QKI: variants seen among roughly 807,000 people sequenced by gnomAD.
The protein encoded by QKI is KH domain-containing RNA-binding protein QKI.
QKI carries 10 observed loss-of-function variants against 39.0 expected under a neutral mutation model. That is an observed-to-expected ratio of 0.26 (90% CI 0.16 to 0.43). QKI has a LOEUF of 0.43. Among genes scored for constraint, QKI ranks in the 20% least tolerant of loss-of-function variants. QKI has a pLI of 1.00. For synonymous variants in QKI, 204 were observed against 155.4 expected (o/e 1.31, Z -2.33); for missense variants, 218 against 428.0 (o/e 0.51, Z 4.33).
intron 4 of QKI, among the ~76,000 whole-genome samples, chr6:163,561,491 G>T (rs560395112): frequency 6.6e-6 from 1 of 152,030 alleles, no homozygotes. Context: ...GCCTCTAGTC[G>T]CAGCTACTTC....
intron 2 of QKI, among the ~76,000 whole-genome samples, chr6:163,467,268 A>T (rs1791835039): frequency 1.3e-5 from 2 of 152,316 alleles, no homozygotes; most frequent in South Asian, 4.1e-4. Flanking sequence ...ACCTTGTATT[A>T]AATCATCACA....
chr6:163,525,605 C>T (rs943265640), intron 3 of QKI, among the ~76,000 whole-genome samples: 1 of 152,100 alleles, frequency 6.6e-6, no homozygotes, highest in African/African-American at 2.4e-5. Flanking sequence ...GATCCTCCCC[C>T]CTCCCCGCCT....
At chr6:163,421,750 C>CT (rs766565039) in intron 1 of QKI, among the ~76,000 whole-genome samples, 1,552 of 143,796 alleles carry the variant, frequency 0.011, 10 homozygotes, top group Non-Finnish European at 0.015. Context: ...TTTCTTTTTT[C>CT]TTTTTTTTTT....
chr6:163,531,706 T>A (rs1305879445), intron 3 of QKI, among the ~76,000 whole-genome samples: 1 of 152,244 alleles, frequency 6.6e-6, no homozygotes, highest in East Asian at 1.9e-4. Context: ...AGGGTCTGAC[T>A]GTTCCCCAGG....
In QKI at chr6:163,451,356, A is replaced by G. The variant is rs189972938; in HGVS notation, c.143-3923A>G. ...ATCATTATGGAATGTTGTGTACAGT[A>G]TAGGGTTTTGCATATTAAAAGGGAC... is the stretch of plus-strand genomic sequence containing the variant. On this transcript the variant is annotated intron_variant, in intron 1 of 7. Coordinates refer to ENST00000361752, the MANE Select transcript of QKI (RefSeq NM_006775.3). 3.5e-3 allele frequency among the ~76,000 whole-genome samples: 528 copies of G among 152,298 alleles called. 4 individuals carry two copies. Among genetic ancestry groups the G allele is most frequent in the African/African-American group, 0.012 (482 of 41,568 alleles).
intron 1 of QKI, among the ~76,000 whole-genome samples, chr6:163,418,851 G>A (rs965056693): frequency 2.0e-5 from 3 of 152,056 alleles, no homozygotes; most frequent in Non-Finnish European, 4.4e-5. Flanking sequence ...TGAAGAGTAC[G>A]GTCTATTAGA....
intron 4 of QKI, among the ~76,000 whole-genome samples, chr6:163,535,783 T>G (rs957698133): frequency 6.6e-6 from 1 of 151,740 alleles, no homozygotes; most frequent in Non-Finnish European, 1.5e-5. Flanking sequence ...ATACAAAAAA[T>G]AAGTCGGGCG....
chr6:163,422,649 T>G (rs762564336), intron 1 of QKI, among the ~76,000 whole-genome samples: 4 of 152,114 alleles, frequency 2.6e-5, no homozygotes, highest in Non-Finnish European at 4.4e-5. Context: ...ATGGTCACAA[T>G]GTAAGTAAAG....
At chr6:163,415,851 T>G (rs892285524) in intron 1 of QKI, 4 of 489,126 alleles carry the variant, frequency 8.2e-6, no homozygotes, top group African/African-American at 5.9e-5. Flanking sequence ...TAAAGCGGGG[T>G]TTCGTGGTTG....
At chr6:163,557,509 G>A (rs528851391) in intron 4 of QKI, among the ~76,000 whole-genome samples, 40 of 152,294 alleles carry the variant, frequency 2.6e-4, no homozygotes, top group African/African-American at 8.2e-4. Context: ...GAGATAGAGT[G>A]TGGAGCGATG....
intron 3 of QKI, among the ~76,000 whole-genome samples, chr6:163,499,763 T>C (rs531179563): frequency 4.7e-4 from 72 of 152,162 alleles, no homozygotes; most frequent in Non-Finnish European, 6.8e-4. Context: ...TTAAATAGTT[T>C]AGTAAGTATT....
At chr6:163,455,645 T>C (rs527821963) in intron 2 of QKI, among the ~76,000 whole-genome samples, 2 of 152,334 alleles carry the variant, frequency 1.3e-5, no homozygotes, top group South Asian at 4.1e-4. Flanking sequence ...GTATAGACTC[T>C]TGGGTTTCAA....
chr6:163,416,663 C>A (rs1787532567), intron 1 of QKI, among the ~76,000 whole-genome samples: 1 of 152,172 alleles, frequency 6.6e-6, no homozygotes, highest in Non-Finnish European at 1.5e-5. Flanking sequence ...GTTCTGTTGT[C>A]TTGAAAGTCA....
At chr6:163,472,134 G>A (rs946026115) in intron 2 of QKI, among the ~76,000 whole-genome samples, 1 of 151,994 alleles carries the variant, frequency 6.6e-6, no homozygotes, top group Non-Finnish European at 1.5e-5. Context: ...GCCTACTGTC[G>A]ACTGGAAGCC....
At chr6:163,557,242 ATCTAG>A (rs772749306) in intron 4 of QKI, among the ~76,000 whole-genome samples, 6 of 152,232 alleles carry the variant, frequency 3.9e-5, no homozygotes, top group Admixed American at 6.5e-5. Flanking sequence ...TTATCCGAAA[ATCTAG>A]TCTAGGCAAG....
At chr6:163,569,022 C>T (rs1783545040) in intron 7 of QKI, 1 of 978,016 alleles carries the variant, frequency 1.0e-6, no homozygotes, top group Non-Finnish European at 1.2e-6. Context: ...CAAAAACCAT[C>T]ACTTACATAA....
chr6:163,507,785 C>T (rs1328470465), intron 3 of QKI, among the ~76,000 whole-genome samples: 2 of 152,084 alleles, frequency 1.3e-5, no homozygotes, highest in Non-Finnish European at 2.9e-5. Flanking sequence ...TCAAAATAAT[C>T]TAGAATCAGG....
chr6:163,504,822 G>A (rs1778996999), intron 3 of QKI, among the ~76,000 whole-genome samples: 1 of 152,058 alleles, frequency 6.6e-6, no homozygotes, highest in South Asian at 2.1e-4. Context: ...TTTGCTATTT[G>A]GATGCTTTTT....
intron 3 of QKI, among the ~76,000 whole-genome samples, chr6:163,485,018 G>A (rs1777557794): frequency 1.3e-5 from 2 of 152,048 alleles, no homozygotes; most frequent in South Asian, 4.1e-4. Flanking sequence ...AGATTCAGGG[G>A]TTTTAGGAGA....
Sources: allele counts gnomAD v4.1 joint callset (sites outside exome capture counted in the v4.1 genomes callset), GRCh38; gene constraint gnomAD v4.1.1; transcripts MANE v1.5; gene names NCBI Gene and HGNC (gene_info 2026-07-23, HGNC 2026-07-21).